NOP58: variants seen among roughly 807,000 people sequenced by gnomAD.
The protein encoded by NOP58 is NOP58 ribonucleoprotein.
A neutral mutation model predicts 71.2 loss-of-function variants in NOP58; 44 were observed. The observed-to-expected ratio is 0.62, with a 90% CI of 0.49 to 0.79. The LOEUF (loss-of-function observed/expected upper bound fraction) is 0.79, where lower values mean the gene tolerates loss of function less well. Ranked by LOEUF, NOP58 falls within the 30% of genes least tolerant of loss-of-function variation. NOP58 has a pLI of 0.00. For missense variants in NOP58, 538 were observed against 620.2 expected, an observed-to-expected ratio of 0.87 and a Z score of 1.41; for synonymous variants, 228 against 200.3, an observed-to-expected ratio of 1.14 and a Z score of -1.17.
chr2:202,277,285 A>G, intron 2 of NOP58, among the ~76,000 whole-genome samples: 1 of 151,276 alleles, frequency 6.6e-6, no homozygotes, highest in Non-Finnish European at 1.5e-5. Flanking sequence ...AGCCTGGGCG[A>G]CAGAGTGAGA....
chr2:202,266,787 G>A, intron 1 of NOP58, among the ~76,000 whole-genome samples: 1 of 152,210 alleles, frequency 6.6e-6, no homozygotes, highest in East Asian at 1.9e-4. Context: ...GATAGAAATT[G>A]TGAAGGTAGA....
intron 6 of NOP58, among the ~76,000 whole-genome samples, chr2:202,290,063 T>C (rs547854114): frequency 6.6e-6 from 1 of 152,282 alleles, no homozygotes; most frequent in Admixed American, 6.5e-5. Flanking sequence ...CAAGTGATTC[T>C]TCTGCCTCAG....
rs775965820 is a variant in NOP58, at chr2:202,303,009, G to A, written c.1491G>A (p.Lys497=). ...AAAGGGGTAAAAAGAAACACATTAA[G>A]GAAGAACCACTTTCTGAGGAAGAAC... ...KKKRGKKKHI[K]EEPLSEEEPC... The change falls in exon 14 of 15, where the codon AAG becomes AAA. Residue 497 remains lysine, a synonymous_variant. Coordinates refer to ENST00000264279, the MANE Select transcript of NOP58 (RefSeq NM_015934.5). 2.5e-5 allele frequency: 40 copies of A among 1,612,836 alleles called. No homozygotes were observed. The highest frequency in any genetic ancestry group is 3.2e-5 in the Non-Finnish European group (38 of 1,179,914).
chr2:202,297,727 A>G (rs1185360873), intron 11 of NOP58, 118 bp from the exon 12 acceptor site: 1 of 822,258 alleles, frequency 1.2e-6, no homozygotes, highest in Admixed American at 3.2e-5. Context: ...TCAAAATAAC[A>G]AAACAAAAAA....
chr2:202,274,817 C>G (rs2105839192), intron 1 of NOP58, among the ~76,000 whole-genome samples: 1 of 152,186 alleles, frequency 6.6e-6, no homozygotes. Flanking sequence ...ATAGCTCCAG[C>G]TACGGCCCAA....
rs1688977736 is a variant in NOP58 at position 202,295,755 on chromosome 2, A to C, written c.989A>C (p.Lys330Thr). 1 of 1,612,294 alleles carries C rather than the reference A, an allele frequency of 6.2e-7. No homozygotes were observed. The highest frequency in any genetic ancestry group is 8.5e-7 in the Non-Finnish European group (1 of 1,179,304). Residue 330 changes from lysine to threonine, a missense_variant, in exon 10 of 15, where the codon AAA (lysine) becomes ACA (threonine). Transcript: ENST00000264279. ...GAAAAGGCACTTTTCAGAGCCCTCA[A>C]ATCTAGACGGGATACCCCTAAGTAT... ...GAEKALFRALKSRRDTPKYGL... is the reference protein window; with the variant it reads ...GAEKALFRALTSRRDTPKYGL...
intron 1 of NOP58, among the ~76,000 whole-genome samples, chr2:202,268,183 A>C (rs1210844783): frequency 6.6e-6 from 1 of 152,202 alleles, no homozygotes; most frequent in Admixed American, 6.5e-5. Flanking sequence ...AAAAGTAGAC[A>C]TACGGTTCAA....
At position 202,265,915 on chromosome 2, in the gene NOP58, C is replaced by T. The variant is rs374814936; in HGVS notation, c.-27C>T. 3.7e-6 allele frequency: 6 copies of T among 1,613,944 alleles called. No individual in the cohort carries two copies. The African/African-American group carries it at 5.3e-5, about 14-fold the overall frequency. Reference sequence around the variant, plus strand: ...ACTGACTCTACAGCTTCTGGCAGGCCGTGCGGCGCCCTGACCCGGCCTCAC... The same window carrying T: ...ACTGACTCTACAGCTTCTGGCAGGCTGTGCGGCGCCCTGACCCGGCCTCAC... On this transcript the variant is annotated 5_prime_UTR_variant, in exon 1 of 15. Coordinates refer to ENST00000264279, the MANE Select transcript of NOP58 (RefSeq NM_015934.5).
intron 3 of NOP58, 192 bp downstream of exon 3, chr2:202,278,194 T>G (rs1559261155): frequency 2.9e-6 from 2 of 680,408 alleles, no homozygotes; most frequent in Non-Finnish European, 5.6e-6. Context: ...AACATTGAGT[T>G]AGCTTTTTTC....
At chr2:202,273,944 A>G (rs1275693790) in intron 1 of NOP58, among the ~76,000 whole-genome samples, 1 of 143,320 alleles carries the variant, frequency 7.0e-6, no homozygotes, top group African/African-American at 2.6e-5. Context: ...TCCATCTCAG[A>G]AAAAAAAAAA....
intron 2 of NOP58, among the ~76,000 whole-genome samples, chr2:202,277,475 CA>C (rs112045313): frequency 1.1e-4 from 14 of 125,752 alleles, no homozygotes; most frequent in Admixed American, 1.6e-4. Flanking sequence ...GATTCTGTCT[CA>C]AAAAAAAAAA....
intron 13 of NOP58, among the ~76,000 whole-genome samples, chr2:202,301,059 AAAGT>A (rs1003235003): frequency 1.3e-5 from 2 of 152,208 alleles, no homozygotes; most frequent in African/African-American, 4.8e-5. Context: ...TTTTTATTGA[AAAGT>A]AAGGAGATCC....
Position 202,291,173 on chromosome 2 carries a change from A to G in NOP58, c.683A>G (p.Glu228Gly), listed in dbSNP as rs147158311. The G allele has an allele frequency of 8.1e-6, 13 of 1,613,302 alleles. No homozygotes were observed. The highest frequency in any genetic ancestry group is 1.7e-5 in the Admixed American group (1 of 59,734). The stretch of plus-strand genomic sequence containing the variant: ...GCCAAGCTTTCTGAGTTGCTGCCAG[A>G]AGAAGTTGAAGCAGAAGTGAAAGCA... ...ASAKLSELLPEEVEAEVKAAA... is the reference protein window; with the variant it reads ...ASAKLSELLPGEVEAEVKAAA... The change falls in exon 8 of 15, where the codon GAA (glutamate) becomes GGA (glycine). Residue 228 changes from glutamate (E) to glycine (G), a missense_variant. Glu to Gly is a moderately conservative substitution (Grantham distance 98). Transcript: ENST00000264279.
intron 12 of NOP58, among the ~76,000 whole-genome samples, chr2:202,299,172 A>G (rs924580889): frequency 6.6e-6 from 1 of 151,868 alleles, no homozygotes; most frequent in African/African-American, 2.4e-5. Flanking sequence ...GTTGGCCAGG[A>G]TGGTCTTGAT....
chr2:202,302,701 A>G (rs1689114889), intron 13 of NOP58, among the ~76,000 whole-genome samples: 1 of 152,304 alleles, frequency 6.6e-6, no homozygotes, highest in Admixed American at 6.5e-5. Context: ...ATTTTTATAC[A>G]TGACTTCATG....
intron 1 of NOP58, among the ~76,000 whole-genome samples, chr2:202,273,104 G>T (rs914391808): frequency 2.0e-5 from 3 of 151,816 alleles, no homozygotes; most frequent in Non-Finnish European, 4.4e-5. Flanking sequence ...CAGCCTGGGC[G>T]ACAGAGCGAG....
intron 5 of NOP58, among the ~76,000 whole-genome samples, chr2:202,286,429 C>T (rs1422344278): frequency 4.0e-5 from 6 of 151,658 alleles, no homozygotes; most frequent in Non-Finnish European, 7.4e-5. Flanking sequence ...GGCGTGAACC[C>T]GGGAGGTGGA....
intron 4 of NOP58, 66 bp downstream of exon 4, chr2:202,282,538 T>C: frequency 6.8e-7 from 1 of 1,478,784 alleles, no homozygotes; most frequent in Non-Finnish European, 9.1e-7. Context: ...CTACAAAGCC[T>C]AGCCTTTGCA....
At chr2:202,291,295 A>G (rs768671214) in intron 8 of NOP58, 25 bp downstream of exon 8, 21 of 1,576,682 alleles carry the variant, frequency 1.3e-5, no homozygotes, top group Admixed American at 3.8e-5. Flanking sequence ...TGGAGAATCT[A>G]GTTGTGGTGT....
Sources: gnomAD v4.1 joint callset for allele counts (sites outside exome capture counted in the v4.1 genomes callset) on GRCh38, gnomAD v4.1.1 for gene constraint, MANE v1.5 for transcripts, NCBI Gene and HGNC (gene_info 2026-07-23, HGNC 2026-07-21) for gene names.